Variants in SDK1 observed in about 807,000 individuals in gnomAD.
SDK1 encodes sidekick cell adhesion molecule 1.
A neutral mutation model predicts 245.5 loss-of-function variants in SDK1; 157 were observed. The ratio of observed to expected loss-of-function variants is 0.64; its 90% CI spans 0.56 to 0.73. The LOEUF is 0.73. Ranked by LOEUF, SDK1 falls within the 30% of genes least tolerant of loss-of-function variation. The pLI, the probability that SDK1 is intolerant of heterozygous loss-of-function variation, is 0.00. For missense variants in SDK1, 3,583 were observed against 3,002.3 expected (o/e 1.19, Z -4.52); for synonymous variants, 1,647 against 1,278.5 (o/e 1.29, Z -6.15).
chr7:3,655,474 T>TAC (rs2128657370), intron 4 of SDK1, among the ~76,000 whole-genome samples: 1 of 86,142 alleles, frequency 1.2e-5, no homozygotes, highest in South Asian at 4.3e-4. Context: ...TATATATATA[T>TAC]ATATATATAT....
Position 3,508,481 on chromosome 7 carries a change from C to G in SDK1, c.299-110599C>G, listed in dbSNP as rs113171116. ...TAGCTGGGATTACAGCTGCCCGCCA[C>G]CATGCCTGACTAATTGTTGTATTTT... On this transcript the variant is annotated intron_variant, in intron 1 of 44. Transcript: ENST00000404826. Among the ~76,000 whole-genome samples, 283 of 152,066 alleles carry G rather than the reference C, an allele frequency of 1.9e-3. 6 individuals carry two copies. Among genetic ancestry groups the G allele is most frequent in the African/African-American group, 6.6e-3 (273 of 41,476 alleles).
intron 14 of SDK1, among the ~76,000 whole-genome samples, chr7:3,996,120 T>C (rs1166865875): frequency 1.3e-5 from 2 of 152,196 alleles, no homozygotes; most frequent in East Asian, 3.8e-4. Context: ...TTTCCTTTCT[T>C]TCAAATGATC....
chr7:3,536,276 C>T (rs1433614334), intron 1 of SDK1, among the ~76,000 whole-genome samples: 3 of 151,768 alleles, frequency 2.0e-5, no homozygotes, highest in Non-Finnish European at 2.9e-5. Flanking sequence ...CCATGTTAGC[C>T]AGGATGGTCT....
At chr7:3,449,660 A>G (rs567163585) in intron 1 of SDK1, among the ~76,000 whole-genome samples, 1 of 152,360 alleles carries the variant, frequency 6.6e-6, no homozygotes, top group East Asian at 1.9e-4. Context: ...ACATGCAGCT[A>G]TTAAATAGCA....
rs1347451195 is a variant in SDK1, at chr7:3,945,264, C to T, written c.848-5659C>T. Among the ~76,000 whole-genome samples, 12 of 152,270 alleles carry T rather than the reference C, an allele frequency of 7.9e-5. No homozygotes were observed. In the East Asian group the frequency reaches 1.9e-3, roughly 24 times the overall value. On this transcript the variant is annotated intron_variant, in intron 5 of 44. Coordinates refer to ENST00000404826, the MANE Select transcript of SDK1 (RefSeq NM_152744.4). ...AAGACATCCACACTCTGGGATTTAGCGTCCCTTCGGAATAATAGTGAGTGT... is the reference window on the plus strand; with the variant it reads ...AAGACATCCACACTCTGGGATTTAGTGTCCCTTCGGAATAATAGTGAGTGT...
chr7:3,718,919 G>A (rs73302291), intron 4 of SDK1, among the ~76,000 whole-genome samples: 2,809 of 152,318 alleles, frequency 0.018, 91 homozygotes, highest in African/African-American at 0.064. Flanking sequence ...AGTGATTCCA[G>A]CAAGCTTGCA....
In SDK1 at chr7:3,426,876, G is replaced by A. The variant is rs78836379; in HGVS notation, c.298+124992G>A. Among the ~76,000 whole-genome samples the A allele has an allele frequency of 9.3e-3, 1,414 of 152,304 alleles. 23 individuals carry two copies. The highest frequency in any genetic ancestry group is 0.032 in the African/African-American group (1,330 of 41,556). On this transcript the variant is annotated intron_variant, in intron 1 of 44. Transcript: ENST00000404826. ...GCTTAAATCCCTGTCATGGTTTTCTGTCATCCTTAAGGAATTTATAATTAA... is the reference window on the plus strand; with the variant it reads ...GCTTAAATCCCTGTCATGGTTTTCTATCATCCTTAAGGAATTTATAATTAA...
At chr7:3,678,577 G>T (rs754507335) in intron 4 of SDK1, among the ~76,000 whole-genome samples, 2 of 152,156 alleles carry the variant, frequency 1.3e-5, no homozygotes, top group Admixed American at 1.3e-4. Context: ...TCTAGAATAC[G>T]CAAATTCATA....
chr7:4,141,278 T>C (rs968175944), intron 28 of SDK1, among the ~76,000 whole-genome samples: 1 of 151,824 alleles, frequency 6.6e-6, no homozygotes, highest in Admixed American at 6.6e-5. Flanking sequence ...GAAAGGAGGG[T>C]CTGTAAGCAA....
intron 28 of SDK1, among the ~76,000 whole-genome samples, chr7:4,139,413 ATGTG>A (rs546299329): frequency 2.0e-5 from 3 of 147,464 alleles, no homozygotes; most frequent in African/African-American, 5.0e-5. Context: ...GTGTGTGTAT[ATGTG>A]TGTGTGTGTA....
intron 40 of SDK1, among the ~76,000 whole-genome samples, chr7:4,223,200 C>T (rs1162972807): frequency 6.6e-6 from 1 of 152,028 alleles, no homozygotes; most frequent in African/African-American, 2.4e-5. Flanking sequence ...CAAATAGGAT[C>T]CAGGCGTTCA....
intron 1 of SDK1, among the ~76,000 whole-genome samples, chr7:3,579,374 T>G (rs1037515477): frequency 6.6e-6 from 1 of 152,226 alleles, no homozygotes; most frequent in Non-Finnish European, 1.5e-5. Flanking sequence ...GTTCAAGATA[T>G]GCAAATCAGT....
chr7:4,225,348 C>T (rs931724633), intron 40 of SDK1, among the ~76,000 whole-genome samples: 1 of 152,282 alleles, frequency 6.6e-6, no homozygotes, highest in Non-Finnish European at 1.5e-5. Flanking sequence ...CCACGGTGTC[C>T]GTCCTCCCCA....
At chr7:4,023,472 A>G (rs1787094729) in intron 17 of SDK1, among the ~76,000 whole-genome samples, 1 of 152,186 alleles carries the variant, frequency 6.6e-6, no homozygotes, top group African/African-American at 2.4e-5. Context: ...TCCGCATATC[A>G]AATTTCCATG....
intron 1 of SDK1, among the ~76,000 whole-genome samples, chr7:3,546,716 A>G (rs1227256199): frequency 6.6e-6 from 1 of 152,246 alleles, no homozygotes; most frequent in Admixed American, 6.5e-5. Flanking sequence ...ACCTGTGGTC[A>G]CTTTGTGTTC....
At chr7:3,716,053 G>A (rs191622622) in intron 4 of SDK1, among the ~76,000 whole-genome samples, 66 of 151,710 alleles carry the variant, frequency 4.4e-4, no homozygotes, top group African/African-American at 1.3e-3. Flanking sequence ...AAGATAGATC[G>A]GTGAATATGA....
chr7:3,627,617 G>A (rs544687170), intron 2 of SDK1, among the ~76,000 whole-genome samples: 7 of 152,188 alleles, frequency 4.6e-5, no homozygotes, highest in South Asian at 2.1e-4. Context: ...CCGTTGCCAC[G>A]TTTGGCATCT....
At chr7:3,579,853 C>T (rs944551808) in intron 1 of SDK1, among the ~76,000 whole-genome samples, 1 of 152,190 alleles carries the variant, frequency 6.6e-6, no homozygotes, top group Admixed American at 6.5e-5. Context: ...CATAAAAAAA[C>T]TGGGTAAAGT....
chr7:3,975,293 TAAAG>T (rs1411072183), intron 13 of SDK1, among the ~76,000 whole-genome samples: 2 of 152,148 alleles, frequency 1.3e-5, no homozygotes, highest in East Asian at 1.9e-4. Flanking sequence ...AACCTGAAAA[TAAAG>T]AATCCCAACC....
Sources: gnomAD v4.1 joint callset for allele counts (sites outside exome capture counted in the v4.1 genomes callset) on GRCh38, gnomAD v4.1.1 for gene constraint, MANE v1.5 for transcripts, NCBI Gene and HGNC (gene_info 2026-07-23, HGNC 2026-07-21) for gene names.